The following INVS variants were observed in gnomAD, a reference collection of about 807,000 sequenced individuals.
The protein encoded by INVS is inversion of embryo turning homolog.
Under a neutral mutation model 108.8 loss-of-function variants are expected in INVS, and 86 were observed. That is an observed-to-expected ratio of 0.79 (90% confidence interval 0.66 to 0.95). The LOEUF (loss-of-function observed/expected upper bound fraction) is 0.95. Ranked by LOEUF, INVS falls within the 40% of genes least tolerant of loss-of-function variation. The pLI, the probability that INVS is intolerant of heterozygous loss-of-function variation, is 0.00. For missense variants in INVS, 1,169 were observed against 1,297.4 expected, an observed-to-expected ratio of 0.90 and a Z score of 1.52; for synonymous variants, 455 against 473.5, an observed-to-expected ratio of 0.96 and a Z score of 0.51.
chr9:100,161,267 T>C (rs1829166593), intron 3 of INVS, among the ~76,000 whole-genome samples: 1 of 147,574 alleles, frequency 6.8e-6, no homozygotes, highest in Admixed American at 7.0e-5. Flanking sequence ...TCCCAGCTAT[T>C]CGGGAGACTG....
chr9:100,100,926 A>AT (rs1826930465), intron 1 of INVS, among the ~76,000 whole-genome samples: 1 of 29,054 alleles, frequency 3.4e-5, no homozygotes, highest in Admixed American at 6.0e-4. Flanking sequence ...ATGTATATAT[A>AT]TAATATATAT....
Position 100,300,958 on chromosome 9 carries a change from G to C in INVS, c.*284G>C, listed in dbSNP as rs1833948522. 2.4e-6 allele frequency: 1 copy of C among 411,368 alleles called. No individual in the cohort carries two copies. Among genetic ancestry groups the C allele is most frequent in the Admixed American group, 3.9e-5 (1 of 25,534 alleles). The allele number at this position is 411,368 out of a possible 1,614,324, so 25.5% of individuals were successfully genotyped here. A position where few individuals can be genotyped will look rare whatever the true frequency, so the allele number is the denominator to read the frequency against. On this transcript the variant is annotated 3_prime_UTR_variant, in exon 17 of 17. Coordinates refer to ENST00000262457, the MANE Select transcript of INVS (RefSeq NM_014425.5). ...GCTTTCACCTCAGTCTGTACAGTTG[G>C]AAATGAGAATTCATAATTAACAGCA...
intron 6 of INVS, among the ~76,000 whole-genome samples, chr9:100,240,622 T>C (rs183066245): frequency 2.4e-4 from 37 of 152,094 alleles, no homozygotes; most frequent in Middle Eastern, 3.2e-3. Flanking sequence ...TGCCTTTTAC[T>C]TAACCTTTTT....
chr9:100,253,204 C>T, intron 10 of INVS, 68 bp downstream of exon 10: 1 of 1,261,912 alleles, frequency 7.9e-7, no homozygotes. Flanking sequence ...TTGTTGTAAA[C>T]ATAAGTAAAA....
At chr9:100,254,958 T>C (rs750844001) in intron 10 of INVS, among the ~76,000 whole-genome samples, 4 of 152,174 alleles carry the variant, frequency 2.6e-5, no homozygotes, top group African/African-American at 4.8e-5. Context: ...GTGAAGAAAG[T>C]CATTGGTAGC....
intron 14 of INVS, among the ~76,000 whole-genome samples, chr9:100,294,225 T>A (rs915316605): frequency 6.6e-6 from 1 of 151,878 alleles, no homozygotes; most frequent in Admixed American, 6.6e-5. Context: ...GGAAGACGGA[T>A]GGGGAGGGAG....
chr9:100,163,151 GACCCTAACTTTT>G (rs1029909785), intron 3 of INVS, among the ~76,000 whole-genome samples: 1 of 149,802 alleles, frequency 6.7e-6, no homozygotes, highest in Admixed American at 6.7e-5. Context: ...CCACTGGGGT[GACCCTAACTTTT>G]ACCCTAACTT....
intron 10 of INVS, among the ~76,000 whole-genome samples, chr9:100,259,297 C>T (rs1459065399): frequency 6.6e-6 from 1 of 152,086 alleles, no homozygotes; most frequent in African/African-American, 2.4e-5. Flanking sequence ...TGGGAGTGTC[C>T]CGATTTTCCA....
intron 14 of INVS, among the ~76,000 whole-genome samples, chr9:100,295,191 G>A (rs1370874074): frequency 6.6e-6 from 1 of 152,186 alleles, no homozygotes; most frequent in African/African-American, 2.4e-5. Flanking sequence ...TTCTCCGACT[G>A]TCTGACTCCT....
At chr9:100,299,635 G>GACACACACACACAC (rs10530240) in intron 16 of INVS, among the ~76,000 whole-genome samples, 1 of 132,260 alleles carries the variant, frequency 7.6e-6, no homozygotes, top group African/African-American at 2.8e-5. Flanking sequence ...GCCTTTTATT[G>GACACACACACACAC]ACACACACAC....
At chr9:100,112,560 C>CA (rs1229264609) in intron 2 of INVS, among the ~76,000 whole-genome samples, 1 of 151,446 alleles carries the variant, frequency 6.6e-6, no homozygotes, top group Non-Finnish European at 1.5e-5. Flanking sequence ...GGAGCCTAAT[C>CA]AATTAGGACA....
At chr9:100,258,329 T>C (rs947396757) in intron 10 of INVS, among the ~76,000 whole-genome samples, 1 of 152,192 alleles carries the variant, frequency 6.6e-6, no homozygotes, top group African/African-American at 2.4e-5. Context: ...AGTTTTTATC[T>C]TCTTTGCAAT....
In INVS at chr9:100,300,642, G is replaced by C; in HGVS notation, c.3166G>C (p.Ala1056Pro). 1 of 1,613,768 alleles carries C rather than the reference G, an allele frequency of 6.2e-7. No homozygotes were observed. Among genetic ancestry groups the C allele is most frequent in the Non-Finnish European group, 8.5e-7 (1 of 1,179,778 alleles). Residue 1056 changes from alanine (A) to proline (P), a missense_variant, in exon 17 of 17, where the codon GCT becomes CCT. Physicochemically the swap from Ala to Pro is conservative, Grantham distance 27. This residue lies in a region of INVS where 533 missense variants were observed against 536.0 expected (regional missense o/e 0.99). Transcript: ENST00000262457. ...GAACTTTTCTTATAACCTGCAATCA[G>C]CTACTCAGCCAAAAAACAAAACAAA... ...SKNFSYNLQS[A>P]TQPKNKTKP
chr9:100,297,866 G>T, intron 15 of INVS, 70 bp from the exon 16 acceptor site: 3 of 1,474,734 alleles, frequency 2.0e-6, no homozygotes, highest in South Asian at 1.1e-5. Flanking sequence ...CCACAATAAG[G>T]AATTCAGAAG....
At chr9:100,202,130 A>G (rs1452403945) in intron 3 of INVS, among the ~76,000 whole-genome samples, 1 of 151,554 alleles carries the variant, frequency 6.6e-6, no homozygotes, top group African/African-American at 2.4e-5. Flanking sequence ...ATGCATCTGC[A>G]GATGTGCACT....
chr9:100,260,186 C>CTTTTTTT lies in INVS; in HGVS notation c.1465-4622_1465-4616dup, dbSNP rs372496395. ...TGTCCGACCTATTACATTTTCTTTT[C>CTTTTTTT]TTTTTTTTTTTTTTTTTTTTGAGAC... On this transcript the variant is annotated intron_variant, in intron 10 of 16. Transcript: ENST00000262457. 1.2e-3 allele frequency among the ~76,000 whole-genome samples: 121 copies of CTTTTTTT among 101,474 alleles called. 1 individual carries two copies. The highest frequency in any genetic ancestry group is 2.1e-3 in the Non-Finnish European group (106 of 50,442). 66.6% of individuals were successfully genotyped at this position (101,474 alleles called of 152,430 possible).
chr9:100,154,011 A>C (rs1346567457), intron 3 of INVS, among the ~76,000 whole-genome samples: 1 of 152,248 alleles, frequency 6.6e-6, no homozygotes, highest in Non-Finnish European at 1.5e-5. Context: ...AACAATATCC[A>C]GCAAAATTAA....
At chr9:100,100,572 A>ATATATATAATATATG (rs1826795881) in intron 1 of INVS, among the ~76,000 whole-genome samples, 1 of 108,136 alleles carries the variant, frequency 9.2e-6, no homozygotes, top group African/African-American at 3.5e-5. Context: ...TAAAAAGTAT[A>ATATATATAATATATG]TATATATAAT....
At chr9:100,185,109 T>G (rs943144558) in intron 3 of INVS, among the ~76,000 whole-genome samples, 4 of 152,128 alleles carry the variant, frequency 2.6e-5, no homozygotes, top group Non-Finnish European at 5.9e-5. Context: ...GGCTTACACT[T>G]TTTTATGAAA....
Sources: gnomAD v4.1 joint callset for allele counts (sites outside exome capture counted in the v4.1 genomes callset) on GRCh38, gnomAD v4.1.1 for gene constraint, gnomAD v4.1.1 regional missense constraint, MANE v1.5 for transcripts, NCBI Gene and HGNC (gene_info 2026-07-23, HGNC 2026-07-21) for gene names.